Variants in PIP4P2 observed in about 807,000 individuals in gnomAD.
PIP4P2 encodes phosphatidylinositol-4,5-bisphosphate 4-phosphatase 2, also known as type 2 phosphatidylinositol 4,5-bisphosphate 4-phosphatase.
In PIP4P2, 19 loss-of-function variants were observed where a neutral mutation model predicts 33.3. The observed-to-expected ratio is 0.57, with a 90% CI of 0.40 to 0.84. PIP4P2 has a LOEUF of 0.84. Among genes scored for constraint, PIP4P2 ranks in the 40% least tolerant of loss-of-function variants. The pLI is 0.00. For synonymous variants in PIP4P2, 110 were observed against 111.9 expected, an observed-to-expected ratio of 0.98 and a Z score of 0.11; for missense variants, 270 against 324.7, an observed-to-expected ratio of 0.83 and a Z score of 1.29.
chr8:91,033,919 A>C (rs1812202603), intron 1 of PIP4P2, among the ~76,000 whole-genome samples: 1 of 152,186 alleles, frequency 6.6e-6, no homozygotes, highest in African/African-American at 2.4e-5. Flanking sequence ...AGCTGGGACT[A>C]CAGGCATGAG....
intron 5 of PIP4P2, among the ~76,000 whole-genome samples, chr8:91,004,616 C>A (rs1393478665): frequency 6.6e-6 from 1 of 152,050 alleles, no homozygotes; most frequent in African/African-American, 2.4e-5. Context: ...TTCAGTGGCC[C>A]ACTGGGGATG....
intron 4 of PIP4P2, among the ~76,000 whole-genome samples, chr8:91,009,295 A>G (rs1377860451): frequency 6.6e-6 from 1 of 152,084 alleles, no homozygotes; most frequent in African/African-American, 2.4e-5. Context: ...CTTATACAAT[A>G]TAACAAAAAC....
intron 6 of PIP4P2, among the ~76,000 whole-genome samples, chr8:90,996,057 C>A (rs1300993040): frequency 2.0e-5 from 3 of 152,096 alleles, no homozygotes; most frequent in Non-Finnish European, 2.9e-5. Flanking sequence ...ATTATCTCTA[C>A]AAGGAATTTA....
chr8:91,010,718 C>G lies in PIP4P2; in HGVS notation c.487-1923G>C, dbSNP rs556290288. Among the ~76,000 whole-genome samples, 25 of 151,848 alleles carry G rather than the reference C, an allele frequency of 1.6e-4. 1 individual carries two copies. In the Middle Eastern group the frequency reaches 0.01, roughly 62 times the overall value. The stretch of plus-strand genomic sequence containing the variant: ...AAAGAAGTTGACTTAGTACTGTTCT[C>G]TCATCTAAAATCTGGCCTCTGGATT... On this transcript the variant is annotated intron_variant, in intron 4 of 6. Coordinates refer to ENST00000285419, the MANE Select transcript of PIP4P2 (RefSeq NM_018710.3).
At chr8:91,010,957 T>TAA (rs5893153) in intron 4 of PIP4P2, among the ~76,000 whole-genome samples, 10,287 of 133,760 alleles carry the variant, frequency 0.077, 1,312 homozygotes, top group African/African-American at 0.23. Context: ...AGAAGATTTG[T>TAA]AAAAAAAAAA....
rs186544798 is a variant in PIP4P2 at position 91,032,061 on chromosome 8, A to G, written c.106+8583T>C. Among the ~76,000 whole-genome samples, 64 of 152,340 alleles carry G rather than the reference A, an allele frequency of 4.2e-4. 1 individual carries two copies. In the East Asian group the frequency reaches 0.012, roughly 28 times the overall value. On this transcript the variant is annotated intron_variant, in intron 1 of 6. Transcript: ENST00000285419. The stretch of plus-strand genomic sequence containing the variant: ...GGGAAACTGAGGCCCTGAGATGTAA[A>G]GTAACGATTCCAAGGCCAAACAGGT...
chr8:91,010,291 T>A (rs1003885977), intron 4 of PIP4P2, among the ~76,000 whole-genome samples: 2 of 151,850 alleles, frequency 1.3e-5, no homozygotes, highest in South Asian at 4.1e-4. Context: ...AATAAAAAAT[T>A]TAAGTTTTTC....
chr8:91,015,856 A>G (rs1811908576), intron 4 of PIP4P2, among the ~76,000 whole-genome samples: 1 of 152,216 alleles, frequency 6.6e-6, no homozygotes, highest in African/African-American at 2.4e-5. Context: ...GGAAGGAGGA[A>G]GTAACTTGTG....
chr8:90,995,489 T>C lies in PIP4P2; in HGVS notation c.*188A>G. ...CTTTATTATTCAAATTTTGAAAACC[T>C]AGCAGCAAAACAATTTGCATATAAT... On this transcript the variant is annotated 3_prime_UTR_variant, in exon 7 of 7. Transcript: ENST00000285419. 2 of 548,510 alleles carry C rather than the reference T, an allele frequency of 3.6e-6. No individual in the cohort carries two copies. The highest frequency in any genetic ancestry group is 5.4e-6 in the Non-Finnish European group (2 of 368,556). The allele number at this position is 548,510 out of a possible 1,614,324, so 34.0% of individuals were successfully genotyped here. A position where few individuals can be genotyped will look rare whatever the true frequency, so the allele number is the denominator to read the frequency against.
At position 91,004,009 on chromosome 8, in the gene PIP4P2, A is replaced by AGATG. The variant is rs1554581911; in HGVS notation, c.539+4730_539+4733dup. 3.8e-4 allele frequency among the ~76,000 whole-genome samples: 56 copies of AGATG among 146,380 alleles called. 1 individual carries two copies. The South Asian group carries it at 7.4e-3, about 19-fold the overall frequency. On this transcript the variant is annotated intron_variant, in intron 5 of 6. Coordinates refer to ENST00000285419, the MANE Select transcript of PIP4P2 (RefSeq NM_018710.3). Reference sequence around the variant, plus strand: ...TAGATAGATAGATAGATAGATAGATAGATGAAATAGATAAGAGGCAATTTA... The same window carrying AGATG: ...TAGATAGATAGATAGATAGATAGATAGATGGATGAAATAGATAAGAGGCAATTTA...
At chr8:91,026,040 C>T (rs1812079424) in intron 1 of PIP4P2, among the ~76,000 whole-genome samples, 1 of 152,206 alleles carries the variant, frequency 6.6e-6, no homozygotes, top group Non-Finnish European at 1.5e-5. Flanking sequence ...TATCAGGTTA[C>T]TGACCCTCAG....
intron 5 of PIP4P2, 65 bp from the exon 6 acceptor site, chr8:90,996,809 T>A: frequency 7.6e-7 from 1 of 1,318,290 alleles, no homozygotes. Flanking sequence ...ATTTCATTTT[T>A]GTGAGTTCTT....
At chr8:91,029,117 C>T (rs1172331609) in intron 1 of PIP4P2, among the ~76,000 whole-genome samples, 1 of 151,780 alleles carries the variant, frequency 6.6e-6, no homozygotes, top group East Asian at 1.9e-4. Context: ...ATCATGAAAC[C>T]CCGTCTCTAT....
At chr8:91,028,391 CTG>C (rs1477049014) in intron 1 of PIP4P2, among the ~76,000 whole-genome samples, 4 of 152,132 alleles carry the variant, frequency 2.6e-5, no homozygotes, top group Admixed American at 2.0e-4. Flanking sequence ...ATTTACAAGA[CTG>C]TGTACTGGGG....
At chr8:91,028,521 C>A (rs1237496056) in intron 1 of PIP4P2, among the ~76,000 whole-genome samples, 2 of 152,220 alleles carry the variant, frequency 1.3e-5, no homozygotes, top group Non-Finnish European at 2.9e-5. Context: ...CCAGATCCAA[C>A]TCACAGTGGT....
At chr8:91,017,438 T>TA (rs1811932752) in intron 4 of PIP4P2, among the ~76,000 whole-genome samples, 1 of 151,824 alleles carries the variant, frequency 6.6e-6, no homozygotes, top group Non-Finnish European at 1.5e-5. Context: ...TTAAAAATTA[T>TA]AAAAAATAAA....
chr8:91,006,709 C>G (rs1249707605), intron 5 of PIP4P2, among the ~76,000 whole-genome samples: 1 of 152,200 alleles, frequency 6.6e-6, no homozygotes, highest in Non-Finnish European at 1.5e-5. Flanking sequence ...TGGCTCATGC[C>G]TGTATTCTCA....
At position 91,021,409 on chromosome 8, in the gene PIP4P2, A is replaced by C; in HGVS notation, c.107-5T>G. The C allele has an allele frequency of 6.2e-7, 1 of 1,613,248 alleles. No homozygotes were observed. The stretch of plus-strand genomic sequence containing the variant: ...TATATGGAGGTGGGAGCTCCGCTGA[A>C]AAGATATTAGTCACTGAATCAGAGT... On this transcript the variant is annotated splice_region_variant and splice_polypyrimidine_tract_variant and intron_variant, in intron 1 of 6. Coordinates refer to ENST00000285419, the MANE Select transcript of PIP4P2 (RefSeq NM_018710.3).
rs1452069627 is a variant in PIP4P2 at position 91,008,730 on chromosome 8, G to GT, written c.539+12dup. ...GTATTTCTCAATAATATTTCCAATG[G>GT]TAGGGAACTTACATTTTTTTGCAGT... is the stretch of plus-strand genomic sequence containing the variant. On this transcript the variant is annotated intron_variant, in intron 5 of 6. Transcript: ENST00000285419. 1 of 1,606,878 alleles carries GT rather than the reference G, an allele frequency of 6.2e-7. No homozygotes were observed. Among genetic ancestry groups the GT allele is most frequent in the Non-Finnish European group, 8.5e-7 (1 of 1,174,770 alleles).
Sources: allele counts gnomAD v4.1 joint callset (sites outside exome capture counted in the v4.1 genomes callset), GRCh38; gene constraint gnomAD v4.1.1; transcripts MANE v1.5; gene names NCBI Gene and HGNC (gene_info 2026-07-23, HGNC 2026-07-21).